RNLS: variants seen among roughly 807,000 people sequenced by gnomAD.
RNLS encodes the protein renalase.
RNLS carries 39 observed loss-of-function variants against 39.8 expected under a neutral mutation model. The ratio of observed to expected loss-of-function variants is 0.98; its 90% CI spans 0.76 to 1.28. RNLS has a LOEUF of 1.28. Among genes scored for constraint, RNLS ranks in the 50% most tolerant of loss-of-function variants. The pLI, the probability that RNLS is intolerant of heterozygous loss-of-function variation, is 0.00. For synonymous variants in RNLS, 147 were observed against 150.7 expected (o/e 0.98, Z 0.18); for missense variants, 410 against 413.3 (o/e 0.99, Z 0.07).
chr10:88,429,460 G>A (rs1416782129), intron 4 of RNLS, among the ~76,000 whole-genome samples: 1 of 151,810 alleles, frequency 6.6e-6, no homozygotes, highest in Non-Finnish European at 1.5e-5. Flanking sequence ...TGGAGTTCAC[G>A]TTCATCATCT....
intron 4 of RNLS, among the ~76,000 whole-genome samples, chr10:88,403,000 G>C (rs1853030949): frequency 6.6e-6 from 1 of 151,988 alleles, no homozygotes; most frequent in Non-Finnish European, 1.5e-5. Context: ...ACGGCCCCCA[G>C]TGAATCTGAT....
intron 2 of RNLS, 73 bp from the exon 3 acceptor site, chr10:88,581,782 C>T: frequency 1.0e-6 from 1 of 978,924 alleles, no homozygotes; most frequent in Non-Finnish European, 1.4e-6. Context: ...TATTTTCTTT[C>T]AATAATTCTC....
intron 4 of RNLS, among the ~76,000 whole-genome samples, chr10:88,507,777 T>G (rs994183795): frequency 6.6e-6 from 1 of 152,102 alleles, no homozygotes; most frequent in African/African-American, 2.4e-5. Flanking sequence ...CAGCACACAT[T>G]GAGAGTTCAA....
chr10:88,343,703 G>A, intron 5 of RNLS: 7 of 985,362 alleles, frequency 7.1e-6, no homozygotes, highest in Non-Finnish European at 8.4e-6. Flanking sequence ...TTCAGGATCT[G>A]TTTGGGAGAA....
chr10:88,407,314 A>G (rs929316284), intron 4 of RNLS, among the ~76,000 whole-genome samples: 1 of 151,948 alleles, frequency 6.6e-6, no homozygotes, highest in Non-Finnish European at 1.5e-5. Context: ...CCCTATCCTC[A>G]TGAAAAAAAT....
At chr10:88,338,824 C>CAA in intron 5 of RNLS, among the ~76,000 whole-genome samples, 1 of 145,408 alleles carries the variant, frequency 6.9e-6, no homozygotes, top group Non-Finnish European at 1.5e-5. Flanking sequence ...TGCAGTGGCG[C>CAA]GATCTCGGCT....
At chr10:88,493,312 G>T (rs559750858) in intron 4 of RNLS, among the ~76,000 whole-genome samples, 1 of 151,928 alleles carries the variant, frequency 6.6e-6, no homozygotes, top group South Asian at 2.1e-4. Flanking sequence ...TGTAGTAAAT[G>T]GATATTTAAT....
intron 4 of RNLS, among the ~76,000 whole-genome samples, chr10:88,394,975 T>C (rs951690506): frequency 3.3e-5 from 5 of 151,708 alleles, no homozygotes; most frequent in Non-Finnish European, 7.4e-5. Flanking sequence ...TTCTCACTCA[T>C]AGGTGGGAAT....
At chr10:88,570,319 T>C (rs1849751483) in intron 4 of RNLS, among the ~76,000 whole-genome samples, 1 of 152,184 alleles carries the variant, frequency 6.6e-6, no homozygotes, top group African/African-American at 2.4e-5. Context: ...AGAATATGAA[T>C]AGAATAAGAA....
the RNLS span, among the ~76,000 whole-genome samples, chr10:88,172,839 G>GTTTTTTTTTTTTT: frequency 9.5e-5 from 3 of 31,504 alleles, no homozygotes; most frequent in African/African-American, 2.8e-4. Flanking sequence ...TGCATTTTGA[G>GTTTTTTTTTTTTT]TTGTTTTTTT....
intron 3 of RNLS, among the ~76,000 whole-genome samples, chr10:88,573,898 T>C (rs1850003443): frequency 6.6e-6 from 1 of 152,180 alleles, no homozygotes; most frequent in Non-Finnish European, 1.5e-5. Flanking sequence ...CCCAGCACTT[T>C]GGGAGGCTGA....
chr10:88,222,778 A>G, the RNLS span, among the ~76,000 whole-genome samples: 1,829 of 152,300 alleles, frequency 0.012, 35 homozygotes, highest in African/African-American at 0.042. Flanking sequence ...ACTGTGGGGA[A>G]TTGAACAGGG....
chr10:88,203,488 A>G, the RNLS span, among the ~76,000 whole-genome samples: 1 of 134,826 alleles, frequency 7.4e-6, no homozygotes, highest in African/African-American at 2.8e-5. Context: ...ATATATATAT[A>G]TATATTTCAA....
intron 4 of RNLS, among the ~76,000 whole-genome samples, chr10:88,424,451 C>T (rs1854590999): frequency 6.6e-6 from 1 of 152,152 alleles, no homozygotes; most frequent in Non-Finnish European, 1.5e-5. Context: ...CATAAAAATG[C>T]ATGGACTATG....
the RNLS span, among the ~76,000 whole-genome samples, chr10:88,188,815 TTCA>T: frequency 6.6e-6 from 1 of 152,234 alleles, no homozygotes; most frequent in Non-Finnish European, 1.5e-5. Flanking sequence ...GAATTCATTG[TTCA>T]TTTGACCTTT....
intron 4 of RNLS, among the ~76,000 whole-genome samples, chr10:88,516,688 C>T (rs1252876880): frequency 6.6e-6 from 1 of 151,894 alleles, no homozygotes; most frequent in African/African-American, 2.4e-5. Flanking sequence ...CAAAAAGATG[C>T]TTTTCTTAGA....
chr10:88,434,556 C>A (rs1005661972), intron 4 of RNLS, among the ~76,000 whole-genome samples: 1 of 152,124 alleles, frequency 6.6e-6, no homozygotes, highest in African/African-American at 2.4e-5. Flanking sequence ...CTTAACATTG[C>A]TGAATCTGTT....
chr10:88,538,395 C>A (rs1216811970), intron 4 of RNLS, among the ~76,000 whole-genome samples: 1 of 152,156 alleles, frequency 6.6e-6, no homozygotes, highest in Non-Finnish European at 1.5e-5. Context: ...ATACAACAAA[C>A]AATGTGACCT....
chr10:88,408,273 G>C (rs1014967274), intron 4 of RNLS, among the ~76,000 whole-genome samples: 6 of 151,834 alleles, frequency 4.0e-5, no homozygotes, highest in African/African-American at 1.2e-4. Flanking sequence ...TAAGCATTAT[G>C]CAATGAGATG....
Sources: allele counts gnomAD v4.1 joint callset (sites outside exome capture counted in the v4.1 genomes callset), GRCh38; gene constraint gnomAD v4.1.1; transcripts MANE v1.5; gene names NCBI Gene and HGNC (gene_info 2026-07-23, HGNC 2026-07-21).